The following OPRM1 variants were observed in gnomAD, a reference collection of about 807,000 sequenced individuals.
OPRM1 encodes opioid receptor mu 1.
A neutral mutation model predicts 31.8 loss-of-function variants in OPRM1; 27 were observed. The observed-to-expected ratio is 0.85, with a 90% confidence interval of 0.63 to 1.17. The LOEUF is 1.17. Among genes scored for constraint, OPRM1 ranks in the 50% most tolerant of loss-of-function variants. The pLI is 0.00. For synonymous variants in OPRM1, 196 were observed against 189.9 expected (o/e 1.03, Z -0.26); for missense variants, 536 against 511.1 (o/e 1.05, Z -0.47).
At chr6:154,099,322 A>AGGAAGGAG (rs1793988859) in intron 3 of OPRM1, among the ~76,000 whole-genome samples, 3 of 135,490 alleles carry the variant, frequency 2.2e-5, no homozygotes, top group Non-Finnish European at 4.7e-5. Flanking sequence ...GAAGGAAGGA[A>AGGAAGGAG]GGAAGGAAGG....
chr6:154,213,278 G>A (rs790252), intron 3 of OPRM1: 39,702 of 185,152 alleles, frequency 0.21, 4,995 homozygotes, highest in Admixed American at 0.41. Flanking sequence ...GAGCAGGCTG[G>A]GCCAAGTATG....
At chr6:154,092,148 G>C (rs981181425) in intron 3 of OPRM1, among the ~76,000 whole-genome samples, 3 of 151,966 alleles carry the variant, frequency 2.0e-5, no homozygotes, top group Admixed American at 1.3e-4. Context: ...GGAGATAATA[G>C]GGTGAATAGC....
chr6:154,143,906 T>C (rs969493692), intron 3 of OPRM1, among the ~76,000 whole-genome samples: 4 of 151,814 alleles, frequency 2.6e-5, no homozygotes, highest in Non-Finnish European at 5.9e-5. Context: ...AGCAATAAAA[T>C]TGACAACCCT....
At chr6:154,227,643 G>A (rs115091447) in intron 3 of OPRM1, among the ~76,000 whole-genome samples, 4,736 of 152,168 alleles carry the variant, frequency 0.031, 251 homozygotes, top group African/African-American at 0.11. Flanking sequence ...ACCTGAGCCC[G>A]GAGGTCGAGG....
At chr6:154,108,112 T>G (rs1290791566) in intron 3 of OPRM1, 1 of 608,430 alleles carries the variant, frequency 1.6e-6, no homozygotes. Context: ...GCCCTAGTGA[T>G]CCGGCTTGCG....
intron 3 of OPRM1, among the ~76,000 whole-genome samples, chr6:154,141,637 A>G (rs766141721): frequency 2.9e-4 from 44 of 152,346 alleles, no homozygotes; most frequent in Middle Eastern, 6.8e-3. Flanking sequence ...TGAGACATCA[A>G]TCAACATATG....
intron 3 of OPRM1, among the ~76,000 whole-genome samples, chr6:154,234,596 C>T (rs894914914): frequency 1.7e-4 from 26 of 152,344 alleles, no homozygotes; most frequent in Non-Finnish European, 3.5e-4. Flanking sequence ...GGCTCTCTCA[C>T]TATCACATTA....
Position 154,212,619 on chromosome 6 carries a change from A to C in OPRM1, c.1165-34074A>C. ...GTTGCTATGGAGAAGGCTCAAAATC[A>C]GCACCCTGAAAATTGCACTTGCTCG... On this transcript the variant is annotated intron_variant, in intron 3 of 3. Coordinates refer to the OPRM1 transcript ENST00000337049. The C allele has an allele frequency of 4.9e-6, 3 of 610,656 alleles. 1 individual carries two copies. The allele number at this position is 610,656 out of a possible 1,614,324, so 37.8% of individuals were successfully genotyped here.
At chr6:154,101,464 C>G (rs2128504140) in intron 3 of OPRM1, among the ~76,000 whole-genome samples, 1 of 152,304 alleles carries the variant, frequency 6.6e-6, no homozygotes, top group Middle Eastern at 3.4e-3. Flanking sequence ...TGCAGTGTGA[C>G]TTGCATATAC....
rs1303236368 is a variant in OPRM1 at position 154,117,269 on chromosome 6, A to G, written c.1165-1414A>G. ...GTTGTTGTCTGTCTTGGCACCCTGC[A>G]CTTTGTGCCACTTTGAGAAGAATTT... On this transcript the variant is annotated intron_variant, in intron 3 of 3. Transcript: ENST00000330432. Among the ~76,000 whole-genome samples the G allele has an allele frequency of 2.6e-5, 4 of 152,200 alleles. No homozygotes were observed. In the East Asian group the frequency reaches 7.7e-4, roughly 29 times the overall value.
At chr6:154,109,767 C>CCTCTCTCTCT (rs60360261) in intron 3 of OPRM1, among the ~76,000 whole-genome samples, 2 of 127,474 alleles carry the variant, frequency 1.6e-5, no homozygotes, top group African/African-American at 6.1e-5. Context: ...ACTCTCTCTC[C>CCTCTCTCTCT]CTCTCTCTCT....
At chr6:154,165,025 ATTAT>A (rs780847549) in intron 3 of OPRM1, among the ~76,000 whole-genome samples, 4 of 152,138 alleles carry the variant, frequency 2.6e-5, no homozygotes, top group Non-Finnish European at 5.9e-5. Flanking sequence ...AAATATAAAC[ATTAT>A]TGTTAAAACA....
intron 3 of OPRM1, among the ~76,000 whole-genome samples, chr6:154,161,144 T>C (rs958287844): frequency 6.6e-6 from 1 of 152,156 alleles, no homozygotes; most frequent in Admixed American, 6.5e-5. Flanking sequence ...TCATAAACTC[T>C]AATTTCTAGA....
At chr6:154,161,029 C>A (rs552682861) in intron 3 of OPRM1, among the ~76,000 whole-genome samples, 1 of 152,238 alleles carries the variant, frequency 6.6e-6, no homozygotes, top group South Asian at 2.1e-4. Context: ...TTCCTTTTGA[C>A]TTCCCAGTCT....
intron 1 of OPRM1, among the ~76,000 whole-genome samples, chr6:154,083,050 A>G (rs1452901222): frequency 6.6e-6 from 1 of 152,202 alleles, no homozygotes. Flanking sequence ...CCTGAAGTAA[A>G]ATTTTCAGAA....
At chr6:154,019,747 C>CTTTTTTTTTT (rs373120574) in intron 1 of OPRM1, among the ~76,000 whole-genome samples, 53 of 121,938 alleles carry the variant, frequency 4.3e-4, no homozygotes, top group Non-Finnish European at 6.4e-4. Context: ...CTTTTCTTTT[C>CTTTTTTTTTT]TTTTTTTTTT....
rs1797376671 is a variant in OPRM1 at position 154,122,833 on chromosome 6, C to T, written c.*4112C>T. ...CTGTGTTCTAAGCGCTTCTGTTACT[C>T]GAAAGGGGTCTGATCCAGACCCCAA... On this transcript the variant is annotated 3_prime_UTR_variant, in exon 4 of 4. Coordinates refer to ENST00000330432, the MANE Select transcript of OPRM1 (RefSeq NM_000914.5). Among the ~76,000 whole-genome samples, 1 of 152,128 alleles carries T rather than the reference C, an allele frequency of 6.6e-6. No homozygotes were observed. The highest frequency in any genetic ancestry group is 2.4e-5 in the African/African-American group (1 of 41,424).
chr6:154,197,278 A>T (rs1776695285), intron 3 of OPRM1, among the ~76,000 whole-genome samples: 1 of 151,306 alleles, frequency 6.6e-6, no homozygotes, highest in African/African-American at 2.4e-5. Flanking sequence ...CACACATGTA[A>T]AAAAAAATGC....
chr6:154,219,825 C>T (rs2077897070), intron 3 of OPRM1, among the ~76,000 whole-genome samples: 1 of 152,200 alleles, frequency 6.6e-6, no homozygotes, highest in Non-Finnish European at 1.5e-5. Context: ...GAAGACTCAA[C>T]TGTCCGTTCC....
Sources: gnomAD v4.1 joint callset for allele counts (sites outside exome capture counted in the v4.1 genomes callset) on GRCh38, gnomAD v4.1.1 for gene constraint, MANE v1.5 for transcripts, NCBI Gene and HGNC (gene_info 2026-07-23, HGNC 2026-07-21) for gene names.